DNAH14: variants seen among roughly 807,000 people sequenced by gnomAD.
DNAH14 encodes the protein axonemal beta dynein heavy chain 14.
DNAH14 carries 478 observed loss-of-function variants against 520.9 expected under a neutral mutation model. The observed-to-expected ratio is 0.92, with a 90% confidence interval of 0.85 to 0.99. The LOEUF (loss-of-function observed/expected upper bound fraction) is 0.99. Among genes scored for constraint, DNAH14 ranks in the 50% least tolerant of loss-of-function variants. The pLI is 0.00. For synonymous variants in DNAH14, 1,581 were observed against 1,757.2 expected (o/e 0.90, Z 2.51); for missense variants, 4,831 against 5,234.5 (o/e 0.92, Z 2.38).
intron 11 of DNAH14, among the ~76,000 whole-genome samples, chr1:225,033,489 T>C (rs148525333): frequency 1.3e-5 from 2 of 152,178 alleles, no homozygotes; most frequent in Admixed American, 1.3e-4. Context: ...AGCCTTGTAG[T>C]GTAGTTTGAA....
chr1:225,148,096 C>T (rs1439960973), intron 31 of DNAH14, among the ~76,000 whole-genome samples: 1 of 152,106 alleles, frequency 6.6e-6, no homozygotes, highest in African/African-American at 2.4e-5. Flanking sequence ...AATGAACATA[C>T]CCAGGCATGT....
chr1:225,122,632 CA>C (rs1208476103), intron 26 of DNAH14, among the ~76,000 whole-genome samples: 1 of 151,878 alleles, frequency 6.6e-6, no homozygotes, highest in Non-Finnish European at 1.5e-5. Flanking sequence ...GAACTGCCAA[CA>C]AAAAGTGTTT....
intron 5 of DNAH14, among the ~76,000 whole-genome samples, chr1:224,967,035 C>G (rs1454808474): frequency 6.6e-6 from 1 of 151,940 alleles, no homozygotes; most frequent in Non-Finnish European, 1.5e-5. Flanking sequence ...TATACCAAAC[C>G]ACCATCATTA....
intron 36 of DNAH14, among the ~76,000 whole-genome samples, chr1:225,184,035 T>C (rs1015076279): frequency 2.0e-5 from 3 of 151,958 alleles, no homozygotes; most frequent in African/African-American, 7.2e-5. Flanking sequence ...ATTATTCAAA[T>C]AAAAAATCAA....
intron 73 of DNAH14, chr1:225,357,744 G>C (rs76868476): frequency 0.05 from 35,064 of 695,954 alleles, 1,090 homozygotes; most frequent in South Asian, 0.072. Context: ...AACTTCCCAT[G>C]GTCCAACCTG....
intron 1 of DNAH14, among the ~76,000 whole-genome samples, chr1:224,952,239 T>C (rs1196227321): frequency 6.6e-6 from 1 of 152,186 alleles, no homozygotes; most frequent in East Asian, 1.9e-4. Flanking sequence ...AGAACGCTAG[T>C]AGTATATGGA....
At chr1:225,123,683 C>T in intron 27 of DNAH14, 69 bp downstream of exon 27, 1 of 262,638 alleles carries the variant, frequency 3.8e-6, no homozygotes, top group South Asian at 4.7e-5. Flanking sequence ...CAATTTCAGA[C>T]CACTGTAATA....
rs2094210213 is a variant in DNAH14 at position 225,304,932 on chromosome 1, A to C, written c.8848A>C (p.Thr2950Pro). The change falls in exon 58 of 86, where the codon ACA becomes CCA. Residue 2950 changes from threonine to proline, a missense_variant. Thr to Pro is a conservative substitution (Grantham distance 38, BLOSUM62 -1). Transcript: ENST00000682510. ...RENLKEKLAPTCVQIHKSMKD... is the reference protein window; with the variant it reads ...RENLKEKLAPPCVQIHKSMKD... ...GAACTTGAAAGAAAAACTTGCCCCA[A>C]CATGTGTCCAAATCCACAAAAGCAT... 2.6e-6 allele frequency: 4 copies of C among 1,519,358 alleles called. No individual in the cohort carries two copies. Among genetic ancestry groups the C allele is most frequent in the Non-Finnish European group, 3.5e-6 (4 of 1,139,620 alleles). The allele number at this position is 1,519,358 out of a possible 1,614,324, so 94.1% of individuals were successfully genotyped here. A position where few individuals can be genotyped will look rare whatever the true frequency, so the allele number is the denominator to read the frequency against.
intron 1 of DNAH14, among the ~76,000 whole-genome samples, chr1:224,936,549 G>T (rs2059051898): frequency 6.6e-6 from 1 of 151,776 alleles, no homozygotes; most frequent in African/African-American, 2.4e-5. Flanking sequence ...CGAACCAATA[G>T]GTAGTAACAA....
chr1:225,313,873 T>C (rs1048156074), intron 60 of DNAH14, among the ~76,000 whole-genome samples: 12 of 152,210 alleles, frequency 7.9e-5, no homozygotes, highest in Admixed American at 7.2e-4. Flanking sequence ...TGATCGATTT[T>C]AGAATAAGTG....
chr1:225,195,813 CT>C (rs2086059115), intron 38 of DNAH14, among the ~76,000 whole-genome samples: 1 of 151,730 alleles, frequency 6.6e-6, no homozygotes, highest in South Asian at 2.1e-4. Context: ...ATGATAGGCA[CT>C]TTTTTTTCTC....
intron 36 of DNAH14, among the ~76,000 whole-genome samples, chr1:225,180,884 T>A (rs1314228382): frequency 1.3e-5 from 2 of 152,198 alleles, no homozygotes; most frequent in Non-Finnish European, 2.9e-5. Context: ...ATGGTTATAT[T>A]GTGTGATGCT....
intron 27 of DNAH14, among the ~76,000 whole-genome samples, chr1:225,138,104 T>A (rs1380604566): frequency 6.6e-6 from 1 of 152,026 alleles, no homozygotes. Flanking sequence ...CAGCTGCCCC[T>A]CCCCCTGGGA....
At chr1:225,171,319 G>A (rs561117372) in intron 36 of DNAH14, among the ~76,000 whole-genome samples, 8 of 152,102 alleles carry the variant, frequency 5.3e-5, no homozygotes, top group South Asian at 4.1e-4. Context: ...CAAAAAATCA[G>A]TGAATCCAGG....
intron 36 of DNAH14, among the ~76,000 whole-genome samples, chr1:225,183,752 C>G (rs1213763472): frequency 6.6e-6 from 1 of 150,466 alleles, no homozygotes; most frequent in African/African-American, 2.4e-5. Flanking sequence ...TATAAACTAC[C>G]CTACAGAAAT....
intron 43 of DNAH14, among the ~76,000 whole-genome samples, chr1:225,245,283 A>G (rs1390814255): frequency 6.6e-6 from 1 of 152,044 alleles, no homozygotes; most frequent in African/African-American, 2.4e-5. Context: ...CAATTTTAGA[A>G]TAAGTGCTAT....
At chr1:225,090,238 GA>G (rs2074260619) in intron 21 of DNAH14, among the ~76,000 whole-genome samples, 1 of 152,038 alleles carries the variant, frequency 6.6e-6, no homozygotes, top group African/African-American at 2.4e-5. Flanking sequence ...ACCCTGCAGA[GA>G]GAAAGAAGAC....
intron 7 of DNAH14, among the ~76,000 whole-genome samples, chr1:224,972,960 T>A (rs1191443476): frequency 6.6e-6 from 1 of 152,222 alleles, no homozygotes; most frequent in Non-Finnish European, 1.5e-5. Context: ...TGTGACCTGG[T>A]GCAGATACTC....
intron 51 of DNAH14, 113 bp downstream of exon 51, chr1:225,272,186 T>C: frequency 9.2e-7 from 1 of 1,087,744 alleles, no homozygotes; most frequent in Non-Finnish European, 1.3e-6. Flanking sequence ...TGTTGGTTAG[T>C]TTTGCTATTA....
Sources: gnomAD v4.1 joint callset for allele counts (sites outside exome capture counted in the v4.1 genomes callset) on GRCh38, gnomAD v4.1.1 for gene constraint, MANE v1.5 for transcripts, NCBI Gene and HGNC (gene_info 2026-07-23, HGNC 2026-07-21) for gene names.